MLLT3: variants seen among roughly 807,000 people sequenced by gnomAD.
MLLT3 encodes MLLT3 super elongation complex subunit.
MLLT3 carries 4 observed loss-of-function variants against 53.2 expected under a neutral mutation model. The ratio of observed to expected loss-of-function variants is 0.08; its 90% CI spans 0.04 to 0.17. MLLT3 has a LOEUF of 0.17. MLLT3 is among the 10% of genes least tolerant of loss of function. MLLT3 has a pLI of 1.00. For synonymous variants in MLLT3, 283 were observed against 230.6 expected (o/e 1.23, Z -2.06); for missense variants, 569 against 684.0 (o/e 0.83, Z 1.87).
rs1563930322 is a variant in MLLT3 at position 20,346,488 on chromosome 9, T to C, written c.1662A>G (p.Thr554=). The C allele has an allele frequency of 1.9e-6, 3 of 1,613,636 alleles. No individual in the cohort carries two copies. The highest frequency in any genetic ancestry group is 1.7e-5 in the Admixed American group (1 of 59,998). Residue 554 remains threonine (T), a synonymous_variant, in exon 11 of 11, where the codon ACA becomes ACG. Transcript: ENST00000380338. The part of the protein sequence containing the change: ...DFDLCSLDKT[T]VRKLQSYLET... ...CCAGGTAACTCTGTAGTTTACGGAC[T>C]GTGGTTTTGTCCAGCGAGCAAAGAT...
At chr9:20,463,595 C>T (rs1308547067) in intron 2 of MLLT3, among the ~76,000 whole-genome samples, 1 of 152,134 alleles carries the variant, frequency 6.6e-6, no homozygotes, top group East Asian at 1.9e-4. Flanking sequence ...AGCAACTTCC[C>T]CCAAGTTCCT....
chr9:20,365,734 G>A lies in MLLT3; in HGVS notation c.1136C>T (p.Pro379Leu). 1 of 1,614,118 alleles carries A rather than the reference G, an allele frequency of 6.2e-7. No individual in the cohort carries two copies. The highest frequency in any genetic ancestry group is 8.5e-7 in the Non-Finnish European group (1 of 1,180,022). ...NISSKSDSEQPSPASSSSSSS... is the reference protein window; with the variant it reads ...NISSKSDSEQLSPASSSSSSS... ...GCTGGAGCTGGAGCTGGCAGGACTG[G>A]GTTGTTCAGACTTTAAAGAAGAATA... The change falls in exon 6 of 11, where the codon CCC (proline) becomes CTC (leucine). Residue 379 changes from proline to leucine, a missense_variant. Pro to Leu is a moderately conservative substitution (Grantham distance 98, BLOSUM62 -3). This residue lies in a region of MLLT3 where 437 missense variants were observed against 376.5 expected (regional missense o/e 1.16). Transcript: ENST00000380338.
chr9:20,587,528 A>G (rs528491377), intron 2 of MLLT3, among the ~76,000 whole-genome samples: 10 of 120,512 alleles, frequency 8.3e-5, no homozygotes, highest in East Asian at 6.1e-4. Flanking sequence ...ATTCTAAGAT[A>G]AAAGAAAAAA....
chr9:20,618,698 C>T (rs1820903326), intron 2 of MLLT3, among the ~76,000 whole-genome samples: 1 of 152,204 alleles, frequency 6.6e-6, no homozygotes, highest in African/African-American at 2.4e-5. Context: ...CGCCTAGCAA[C>T]AACTCCCAGG....
intron 2 of MLLT3, among the ~76,000 whole-genome samples, chr9:20,539,494 G>C (rs1182893804): frequency 6.6e-6 from 1 of 152,118 alleles, no homozygotes; most frequent in African/African-American, 2.4e-5. Context: ...AAGGCAAAGG[G>C]GAAGCAAGGC....
At chr9:20,348,343 A>G (rs1587137725) in intron 10 of MLLT3, among the ~76,000 whole-genome samples, 1 of 152,206 alleles carries the variant, frequency 6.6e-6, no homozygotes, top group East Asian at 1.9e-4. Flanking sequence ...TTTATTTGTC[A>G]GAACTCACTG....
chr9:20,407,267 G>C (rs988599508), intron 5 of MLLT3, among the ~76,000 whole-genome samples: 20 of 152,128 alleles, frequency 1.3e-4, no homozygotes, highest in African/African-American at 4.1e-4. Context: ...AAATTCTCTT[G>C]CAAAAGCACA....
At chr9:20,437,666 C>G (rs1287310120) in intron 4 of MLLT3, among the ~76,000 whole-genome samples, 1 of 151,922 alleles carries the variant, frequency 6.6e-6, no homozygotes, top group East Asian at 1.9e-4. Context: ...ATATGAAGAG[C>G]CAAATCAGAT....
intron 5 of MLLT3, among the ~76,000 whole-genome samples, chr9:20,377,811 T>A (rs1382708814): frequency 1.3e-5 from 2 of 152,134 alleles, no homozygotes; most frequent in Admixed American, 6.5e-5. Flanking sequence ...ACTTTTAATA[T>A]AACCAAAATC....
chr9:20,421,598 CAT>C (rs1390793510), intron 4 of MLLT3, among the ~76,000 whole-genome samples: 6 of 152,112 alleles, frequency 3.9e-5, no homozygotes, highest in Admixed American at 3.9e-4. Flanking sequence ...AATGTCCTGA[CAT>C]ATATGTTTAG....
At chr9:20,356,109 T>C (rs533665927) in intron 8 of MLLT3, among the ~76,000 whole-genome samples, 1 of 152,146 alleles carries the variant, frequency 6.6e-6, no homozygotes, top group African/African-American at 2.4e-5. Context: ...CTAATAAACA[T>C]TTTACTGGAT....
intron 2 of MLLT3, among the ~76,000 whole-genome samples, chr9:20,498,486 CTTA>C: frequency 6.6e-6 from 1 of 152,240 alleles, no homozygotes; most frequent in Non-Finnish European, 1.5e-5. Flanking sequence ...ACTGAACCAT[CTTA>C]TTATTCAGCT....
At chr9:20,378,708 ACTT>A (rs1821835881) in intron 5 of MLLT3, among the ~76,000 whole-genome samples, 1 of 152,090 alleles carries the variant, frequency 6.6e-6, no homozygotes, top group African/African-American at 2.4e-5. Flanking sequence ...ACTTACATTC[ACTT>A]CTATTTAAAA....
intron 2 of MLLT3, among the ~76,000 whole-genome samples, chr9:20,499,426 G>C (rs1405111968): frequency 6.6e-6 from 1 of 152,096 alleles, no homozygotes; most frequent in Non-Finnish European, 1.5e-5. Flanking sequence ...GGGTACACAG[G>C]ATATTTCTAC....
intron 5 of MLLT3, among the ~76,000 whole-genome samples, chr9:20,376,447 A>G (rs1397958711): frequency 1.3e-5 from 2 of 152,248 alleles, no homozygotes; most frequent in Admixed American, 1.3e-4. Context: ...TTTTCAACTT[A>G]CAGATATAAA....
chr9:20,406,784 G>T (rs994236124), intron 5 of MLLT3, among the ~76,000 whole-genome samples: 8 of 152,126 alleles, frequency 5.3e-5, no homozygotes, highest in Admixed American at 5.2e-4. Context: ...TATATTTTCA[G>T]AATTCAAAGA....
intron 2 of MLLT3, among the ~76,000 whole-genome samples, chr9:20,510,613 GAAA>G (rs36032614): frequency 3.8e-5 from 4 of 105,936 alleles, no homozygotes; most frequent in African/African-American, 3.6e-5. Flanking sequence ...CTCCATCTCA[GAAA>G]AAAAAAAAAA....
intron 2 of MLLT3, among the ~76,000 whole-genome samples, chr9:20,535,836 G>A (rs1352914438): frequency 6.6e-6 from 1 of 152,086 alleles, no homozygotes; most frequent in African/African-American, 2.4e-5. Context: ...AGGAGAAATA[G>A]GAAGATGCCC....
intron 9 of MLLT3, 60 bp downstream of exon 9, chr9:20,354,748 A>G (rs1439939180): frequency 1.2e-5 from 14 of 1,145,306 alleles, no homozygotes; most frequent in Admixed American, 1.7e-5. Context: ...CAAGGGCAAC[A>G]CAAAGAAACG....
Sources: allele counts gnomAD v4.1 joint callset (sites outside exome capture counted in the v4.1 genomes callset), GRCh38; gene constraint gnomAD v4.1.1; regional missense constraint gnomAD v4.1.1; transcripts MANE v1.5; gene names NCBI Gene and HGNC (gene_info 2026-07-23, HGNC 2026-07-21).